UBE4B: variants seen among roughly 807,000 people sequenced by gnomAD.
UBE4B encodes ubiquitination factor E4B.
Under a neutral mutation model 148.1 loss-of-function variants are expected in UBE4B, and 27 were observed. The ratio of observed to expected loss-of-function variants is 0.18; its 90% confidence interval spans 0.13 to 0.25. The LOEUF (loss-of-function observed/expected upper bound fraction) is 0.25. UBE4B is among the 10% of genes least tolerant of loss of function. UBE4B has a pLI of 1.00. For synonymous variants in UBE4B, 596 were observed against 619.3 expected (o/e 0.96, Z 0.56); for missense variants, 1,170 against 1,662.4 (o/e 0.70, Z 5.15).
intron 14 of UBE4B, 40 bp from the exon 15 acceptor site, chr1:10,132,329 T>C (rs747188322): frequency 6.5e-7 from 1 of 1,538,496 alleles, no homozygotes; most frequent in Non-Finnish European, 8.9e-7. Context: ...ATGTGCAAAA[T>C]AGTTTTAATT....
chr1:10,085,914 T>C (rs914991652), intron 2 of UBE4B, among the ~76,000 whole-genome samples: 8 of 151,844 alleles, frequency 5.3e-5, no homozygotes, highest in African/African-American at 1.5e-4. Context: ...CTCAGCCTCC[T>C]GAGTAGCTGG....
chr1:10,068,824 G>C (rs1644435216), intron 1 of UBE4B, among the ~76,000 whole-genome samples: 1 of 152,216 alleles, frequency 6.6e-6, no homozygotes, highest in Non-Finnish European at 1.5e-5. Context: ...AAGGCATTCA[G>C]ACCACCCAAG....
In UBE4B at chr1:10,181,113, C is replaced by G. The variant is rs1646497394; in HGVS notation, c.*1157C>G. The G allele has an allele frequency of 6.6e-6, 1 of 151,508 alleles. No individual in the cohort carries two copies. Among genetic ancestry groups the G allele is most frequent in the Non-Finnish European group, 1.5e-5 (1 of 67,864 alleles). The allele number at this position is 151,508 out of a possible 1,614,324, so 9.4% of individuals were successfully genotyped here. On this transcript the variant is annotated 3_prime_UTR_variant, in exon 28 of 28. Coordinates refer to ENST00000343090, the MANE Select transcript of UBE4B (RefSeq NM_001105562.3). ...AAAGGATTTGAAACCATAAAGTGTT[C>G]TGAAGAAATTAAGTCTATAAAAAGC... is the stretch of plus-strand genomic sequence containing the variant.
chr1:10,072,532 T>C (rs1168756908), intron 2 of UBE4B: 2 of 709,320 alleles, frequency 2.8e-6, no homozygotes, highest in East Asian at 2.7e-5. Context: ...GTTGATGGTT[T>C]TAAGATAAAA....
intron 17 of UBE4B, among the ~76,000 whole-genome samples, chr1:10,140,629 C>G (rs1259765999): frequency 6.6e-6 from 1 of 152,156 alleles, no homozygotes; most frequent in African/African-American, 2.4e-5. Flanking sequence ...TTAGAGGGTC[C>G]ATTTCAATGG....
intron 2 of UBE4B, among the ~76,000 whole-genome samples, chr1:10,077,215 G>A (rs1430318025): frequency 6.6e-6 from 1 of 152,128 alleles, no homozygotes. Context: ...AATAAGGGGA[G>A]AATCCTTTCT....
intron 27 of UBE4B, 127 bp from the exon 28 acceptor site, chr1:10,179,768 C>T: frequency 7.2e-7 from 1 of 1,381,478 alleles, no homozygotes; most frequent in Non-Finnish European, 9.9e-7. Flanking sequence ...CCCAGTCCTT[C>T]TGGAGTCTTC....
At chr1:10,046,552 G>A (rs1643915873) in intron 1 of UBE4B, among the ~76,000 whole-genome samples, 2 of 152,136 alleles carry the variant, frequency 1.3e-5, no homozygotes, top group African/African-American at 4.8e-5. Flanking sequence ...TGAGCTGTGA[G>A]CGCTTCCTCC....
chr1:10,103,451 T>A (rs1026692915), intron 5 of UBE4B, among the ~76,000 whole-genome samples: 1 of 139,644 alleles, frequency 7.2e-6, no homozygotes, highest in Non-Finnish European at 1.6e-5. Context: ...TTATTTATTT[T>A]GAGATGGAAT....
intron 12 of UBE4B, 128 bp from the exon 13 acceptor site, chr1:10,130,372 T>A: frequency 5.2e-4 from 382 of 740,594 alleles, no homozygotes; most frequent in Middle Eastern, 1.3e-3. Flanking sequence ...TGAGCCACCA[T>A]GCCTGGCTGA....
chr1:10,077,102 A>G (rs1263835848), intron 2 of UBE4B, among the ~76,000 whole-genome samples: 1 of 152,128 alleles, frequency 6.6e-6, no homozygotes, highest in Admixed American at 6.5e-5. Flanking sequence ...CTGCTGTAAC[A>G]ACCTATCAAA....
intron 21 of UBE4B, among the ~76,000 whole-genome samples, chr1:10,156,722 A>G (rs963228100): frequency 2.6e-5 from 4 of 152,156 alleles, no homozygotes; most frequent in Admixed American, 2.0e-4. Context: ...TTAATAAATG[A>G]CATTTAGTTT....
At chr1:10,095,270 T>C (rs976794442) in intron 2 of UBE4B, among the ~76,000 whole-genome samples, 191 bp from the exon 3 acceptor site, 2 of 152,346 alleles carry the variant, frequency 1.3e-5, no homozygotes, top group Middle Eastern at 3.4e-3. Flanking sequence ...TGATAACTTA[T>C]GATTTCTTAG....
chr1:10,136,438 G>A (rs1292471929), intron 16 of UBE4B, among the ~76,000 whole-genome samples: 3 of 149,534 alleles, frequency 2.0e-5, no homozygotes, highest in Non-Finnish European at 4.4e-5. Flanking sequence ...CCACTGCACT[G>A]CACTGCAGCC....
chr1:10,142,913 G>A (rs771158504), intron 17 of UBE4B, among the ~76,000 whole-genome samples: 4 of 152,012 alleles, frequency 2.6e-5, no homozygotes, highest in South Asian at 2.1e-4. Context: ...TTTGAGACCC[G>A]CCTGGCCAAC....
intron 20 of UBE4B, among the ~76,000 whole-genome samples, chr1:10,150,431 T>A (rs1212920044): frequency 6.6e-6 from 1 of 152,186 alleles, no homozygotes; most frequent in African/African-American, 2.4e-5. Context: ...AAAAAAACTA[T>A]CAAAATTTTT....
chr1:10,123,975 A>G (rs999503656), intron 10 of UBE4B, among the ~76,000 whole-genome samples: 2 of 151,504 alleles, frequency 1.3e-5, no homozygotes, highest in Non-Finnish European at 2.9e-5. Flanking sequence ...GGGTTTCACC[A>G]TGTTGGCCAG....
In UBE4B at chr1:10,056,563, A is replaced by G. The variant is rs144866368; in HGVS notation, c.25-15465A>G. 7.3e-4 allele frequency among the ~76,000 whole-genome samples: 111 copies of G among 152,322 alleles called. 1 individual carries two copies. The East Asian group carries it at 0.018, about 25-fold the overall frequency. On this transcript the variant is annotated intron_variant, in intron 1 of 27. Transcript: ENST00000343090. Reference sequence around the variant, plus strand: ...GGATAAACTATAAGCTGATAAATACATACTAATTCTAGTTGTTTGTTATAT... The same window carrying G: ...GGATAAACTATAAGCTGATAAATACGTACTAATTCTAGTTGTTTGTTATAT...
intron 12 of UBE4B, 134 bp downstream of exon 12, chr1:10,129,582 A>G: frequency 1.3e-6 from 1 of 763,270 alleles, no homozygotes; most frequent in Non-Finnish European, 2.2e-6. Flanking sequence ...CGTGTCTGGG[A>G]GGCTCTCAAC....
Sources: gnomAD v4.1 joint callset for allele counts (sites outside exome capture counted in the v4.1 genomes callset) on GRCh38, gnomAD v4.1.1 for gene constraint, MANE v1.5 for transcripts, NCBI Gene and HGNC (gene_info 2026-07-23, HGNC 2026-07-21) for gene names.